The following JMJD1C variants were observed in gnomAD, a reference collection of about 807,000 sequenced individuals.
JMJD1C encodes the protein jumonji domain-containing protein 1C.
JMJD1C carries 31 observed loss-of-function variants against 245.3 expected under a neutral mutation model. That is an observed-to-expected ratio of 0.13 (90% CI 0.09 to 0.17). JMJD1C has a LOEUF of 0.17. Ranked by LOEUF, JMJD1C falls within the 10% of genes least tolerant of loss-of-function variation. JMJD1C has a pLI of 1.00. For synonymous variants in JMJD1C, 1,057 were observed against 1,017.4 expected (o/e 1.04, Z -0.74); for missense variants, 2,691 against 3,000.2 (o/e 0.90, Z 2.41).
chr10:63,512,141 C>G (rs1954890242), intron 1 of JMJD1C, among the ~76,000 whole-genome samples: 1 of 152,210 alleles, frequency 6.6e-6, no homozygotes, highest in East Asian at 1.9e-4. Context: ...GATACACACA[C>G]ATATACAAAC....
At chr10:63,257,257 A>G (rs1003217329) in intron 3 of JMJD1C, among the ~76,000 whole-genome samples, 2 of 151,888 alleles carry the variant, frequency 1.3e-5, no homozygotes, top group Admixed American at 1.3e-4. Flanking sequence ...AAGAAAAGGA[A>G]AAAGAAAAAG....
intron 22 of JMJD1C, among the ~76,000 whole-genome samples, chr10:63,180,990 G>A (rs1174284941): frequency 1.3e-4 from 19 of 151,820 alleles, no homozygotes; most frequent in Admixed American, 1.1e-3. Flanking sequence ...GGATGGTCTC[G>A]ATCTCCTGAC....
intron 2 of JMJD1C, among the ~76,000 whole-genome samples, chr10:63,308,511 AAG>A (rs1564765299): frequency 6.6e-6 from 1 of 152,088 alleles, no homozygotes; most frequent in Admixed American, 6.5e-5. Context: ...ATGTAGGAAA[AAG>A]AGATTTACAC....
intron 1 of JMJD1C, among the ~76,000 whole-genome samples, chr10:63,416,184 G>C (rs1259892070): frequency 6.6e-6 from 1 of 151,976 alleles, no homozygotes; most frequent in South Asian, 2.1e-4. Flanking sequence ...TAAAATAAGA[G>C]AAACTTATAA....
rs1848420085 is a variant in JMJD1C at position 63,219,980 on chromosome 10, C to T, written c.451G>A (p.Asp151Asn). Residue 151 changes from aspartate to asparagine, a missense_variant, in exon 4 of 26, where the codon GAC becomes AAC. Asp to Asn is a conservative substitution (Grantham distance 23). Coordinates refer to ENST00000399262, the MANE Select transcript of JMJD1C (RefSeq NM_032776.3). ...EDSAFQPYQD[D>N]IDSLNPVLRD... ...AGAACTGGGTTTAGGCTGTCTATGTCGTCCTAGAATTATAGATTAAAAGAA... is the reference window on the plus strand; with the variant it reads ...AGAACTGGGTTTAGGCTGTCTATGTTGTCCTAGAATTATAGATTAAAAGAA... 1.9e-6 allele frequency: 3 copies of T among 1,609,188 alleles called. No homozygotes were observed. Among genetic ancestry groups the T allele is most frequent in the Non-Finnish European group, 2.6e-6 (3 of 1,176,288 alleles).
chr10:63,295,957 ATATG>A lies in JMJD1C; in HGVS notation c.334-31197_334-31194del, dbSNP rs1291150117. ...TGTATACATATATATATATACACGT[ATATG>A]TGTGTGTGTGTGTGTGTGTGTGTGT... On this transcript the variant is annotated intron_variant, in intron 2 of 25. Coordinates refer to ENST00000399262, the MANE Select transcript of JMJD1C (RefSeq NM_032776.3). Among the ~76,000 whole-genome samples the A allele has an allele frequency of 2.6e-3, 249 of 94,520 alleles. 1 individual carries two copies. Among genetic ancestry groups the A allele is most frequent in the African/African-American group, 0.01 (234 of 22,682 alleles). The allele number at this position is 94,520 out of a possible 152,430, so 62.0% of individuals were successfully genotyped here.
At chr10:63,456,455 T>C (rs1356409551) in intron 1 of JMJD1C, among the ~76,000 whole-genome samples, 1 of 152,132 alleles carries the variant, frequency 6.6e-6, no homozygotes, top group Non-Finnish European at 1.5e-5. Context: ...TATACAGTCA[T>C]TTTATATTAA....
At position 63,349,872 on chromosome 10, in the gene JMJD1C, C is replaced by T. The variant is rs111460009; in HGVS notation, c.333+30446G>A. Among the ~76,000 whole-genome samples, 863 of 152,116 alleles carry T rather than the reference C, an allele frequency of 5.7e-3. 3 individuals are homozygous for T. The highest frequency in any genetic ancestry group is 9.4e-3 in the Non-Finnish European group (638 of 67,996). The stretch of plus-strand genomic sequence containing the variant: ...TCACTAAAAGAATAATTGACAGATA[C>T]CTGACATTACAGATTGATAACTGGT... On this transcript the variant is annotated intron_variant, in intron 2 of 25. Coordinates refer to ENST00000399262, the MANE Select transcript of JMJD1C (RefSeq NM_032776.3).
chr10:63,202,338 A>G (rs1440785231), intron 10 of JMJD1C: 1 of 984,968 alleles, frequency 1.0e-6, no homozygotes, highest in Admixed American at 6.1e-5. Flanking sequence ...TTGCACCCAT[A>G]TTAATGTATC....
Position 63,206,706 on chromosome 10 carries a change from T to G in JMJD1C, c.4963A>C (p.Asn1655His). The change falls in exon 10 of 26, where the codon AAT becomes CAT. Residue 1655 changes from asparagine (N) to histidine (H), a missense_variant. Coordinates refer to ENST00000399262, the MANE Select transcript of JMJD1C (RefSeq NM_032776.3). ...TCACCTTTTCTCTTTTGCAAATCAT[T>G]TTGCTTCTTTTTGTAAGTTGGCTTA... ...QPKPTYKKKQ[N>H]DLQKRKGEIE... 6.2e-7 allele frequency: 1 copy of G among 1,613,900 alleles called. No homozygotes were observed. Among genetic ancestry groups the G allele is most frequent in the Non-Finnish European group, 8.5e-7 (1 of 1,179,950 alleles).
intron 1 of JMJD1C, among the ~76,000 whole-genome samples, chr10:63,499,782 A>G (rs1427460766): frequency 6.6e-6 from 1 of 152,242 alleles, no homozygotes; most frequent in Non-Finnish European, 1.5e-5. Flanking sequence ...TTTTATGCAA[A>G]TATTTAAAAA....
chr10:63,269,819 A>T (rs192224097), intron 2 of JMJD1C, among the ~76,000 whole-genome samples: 2 of 152,210 alleles, frequency 1.3e-5, no homozygotes, highest in Non-Finnish European at 2.9e-5. Flanking sequence ...CATTTCTCAG[A>T]TGTGTTATAT....
chr10:63,200,279 G>A (rs1225570155), intron 11 of JMJD1C, among the ~76,000 whole-genome samples, 197 bp downstream of exon 11: 1 of 152,138 alleles, frequency 6.6e-6, no homozygotes, highest in Non-Finnish European at 1.5e-5. Flanking sequence ...GAGTAATAAT[G>A]TATGTATTTA....
chr10:63,440,238 G>C (rs928779549), intron 1 of JMJD1C, among the ~76,000 whole-genome samples: 3 of 151,920 alleles, frequency 2.0e-5, no homozygotes, highest in African/African-American at 4.8e-5. Context: ...AGGAGGCTGA[G>C]GCAGGAGAAT....
chr10:63,505,827 A>AC (rs1483622914), intron 1 of JMJD1C, among the ~76,000 whole-genome samples: 1 of 113,048 alleles, frequency 8.8e-6, no homozygotes, highest in South Asian at 3.6e-4. Context: ...CACAGTACCC[A>AC]CCCCCCATCA....
Position 63,310,989 on chromosome 10 carries a change from C to T in JMJD1C, c.334-46225G>A, listed in dbSNP as rs147932568. Among the ~76,000 whole-genome samples, 762 of 152,156 alleles carry T rather than the reference C, an allele frequency of 5.0e-3. 6 individuals are homozygous for T. Among genetic ancestry groups the T allele is most frequent in the African/African-American group, 0.018 (732 of 41,526 alleles). On this transcript the variant is annotated intron_variant, in intron 2 of 25. Coordinates refer to ENST00000399262, the MANE Select transcript of JMJD1C (RefSeq NM_032776.3). ...TGATAAAGATGTTACAAAATAGGAA[C>T]TTTCAAAAAGAAGTGATGGGAAAAT...
At chr10:63,507,236 T>C (rs902935273) in intron 1 of JMJD1C, among the ~76,000 whole-genome samples, 2 of 152,278 alleles carry the variant, frequency 1.3e-5, no homozygotes, top group Admixed American at 6.5e-5. Flanking sequence ...TGCGTGCAGG[T>C]TTTTGCGTGA....
intron 3 of JMJD1C, among the ~76,000 whole-genome samples, chr10:63,234,102 T>C (rs1409228565): frequency 6.6e-6 from 1 of 152,048 alleles, no homozygotes; most frequent in African/African-American, 2.4e-5. Context: ...CAGAGTAAAA[T>C]GAAAATACTC....
intron 3 of JMJD1C, among the ~76,000 whole-genome samples, chr10:63,251,578 C>T (rs1358531264): frequency 6.6e-6 from 1 of 152,038 alleles, no homozygotes; most frequent in Non-Finnish European, 1.5e-5. Context: ...TTGTGGACAG[C>T]CAGGAGAAAA....
Sources: gnomAD v4.1 joint callset for allele counts (sites outside exome capture counted in the v4.1 genomes callset) on GRCh38, gnomAD v4.1.1 for gene constraint, MANE v1.5 for transcripts, NCBI Gene and HGNC (gene_info 2026-07-23, HGNC 2026-07-21) for gene names.